The following ANKFN1 variants were observed in gnomAD, a reference collection of about 807,000 sequenced individuals.
The protein encoded by ANKFN1 is ankyrin repeat and fibronectin type III domain containing 1.
Under a neutral mutation model 108.7 loss-of-function variants are expected in ANKFN1, and 74 were observed. The ratio of observed to expected loss-of-function variants is 0.68; its 90% CI spans 0.56 to 0.83. The LOEUF is 0.83. Among genes scored for constraint, ANKFN1 ranks in the 40% least tolerant of loss-of-function variants. The probability of loss-of-function intolerance (pLI) is 0.00; values close to 1 mark genes in which losing one functional copy is unlikely to be tolerated. For missense variants in ANKFN1, 1,505 were observed against 1,382.3 expected, an observed-to-expected ratio of 1.09 and a Z score of -1.41; for synonymous variants, 547 against 516.2, an observed-to-expected ratio of 1.06 and a Z score of -0.81.
chr17:56,321,037 G>A (rs1421460992), intron 3 of ANKFN1, among the ~76,000 whole-genome samples: 1 of 148,876 alleles, frequency 6.7e-6, no homozygotes, highest in Non-Finnish European at 1.5e-5. Context: ...TAGCATGCCC[G>A]TGAGCAGTCT....
intron 20 of ANKFN1, among the ~76,000 whole-genome samples, chr17:56,506,433 T>C (rs1451729793): frequency 1.3e-5 from 2 of 152,010 alleles, no homozygotes; most frequent in East Asian, 1.9e-4. Context: ...GAAGCAGAGA[T>C]AGCAGTGGCA....
At chr17:56,493,235 C>G (rs1242876108) in intron 19 of ANKFN1, among the ~76,000 whole-genome samples, 1 of 151,466 alleles carries the variant, frequency 6.6e-6, no homozygotes, top group Non-Finnish European at 1.5e-5. Context: ...GTGCTAGGTG[C>G]CAAAAAAAAG....
At chr17:56,195,556 T>G (rs994916291) in intron 1 of ANKFN1, among the ~76,000 whole-genome samples, 3 of 152,180 alleles carry the variant, frequency 2.0e-5, no homozygotes, top group Non-Finnish European at 4.4e-5. Flanking sequence ...AAACAGCCAA[T>G]CTTTACTTAA....
intron 4 of ANKFN1, among the ~76,000 whole-genome samples, chr17:56,098,080 G>T (rs1428885470): frequency 6.6e-6 from 1 of 152,104 alleles, no homozygotes. Context: ...GAAGGAGATT[G>T]GAGGAGGCAA....
rs141854240 is a variant in ANKFN1 at position 56,255,748 on chromosome 17, A to G, written c.53+27791A>G. Among the ~76,000 whole-genome samples, 7 of 152,348 alleles carry G rather than the reference A, an allele frequency of 4.6e-5. No individual in the cohort carries two copies. The East Asian group carries it at 1.3e-3, about 29-fold the overall frequency. ...TACACACGCTTGTTAAATGTTAGAC[A>G]TTCAAGACCATCAAGTTTAAAACGT... On this transcript the variant is annotated intron_variant, in intron 3 of 20. Transcript: ENST00000682825.
At chr17:56,060,170 G>C (rs543588130) in intron 4 of ANKFN1, among the ~76,000 whole-genome samples, 21 of 152,196 alleles carry the variant, frequency 1.4e-4, no homozygotes, top group African/African-American at 5.1e-4. Flanking sequence ...GTATTCCTAG[G>C]TATTTTATTC....
At chr17:56,273,372 A>G (rs549598000) in intron 3 of ANKFN1, among the ~76,000 whole-genome samples, 9 of 152,198 alleles carry the variant, frequency 5.9e-5, no homozygotes, top group South Asian at 2.1e-4. Context: ...TTTTTTCCCA[A>G]TTTTTTACTA....
intron 3 of ANKFN1, among the ~76,000 whole-genome samples, chr17:56,283,193 C>T (rs1455983670): frequency 1.3e-5 from 2 of 152,164 alleles, no homozygotes; most frequent in African/African-American, 2.4e-5. Flanking sequence ...TAAGTGAGAA[C>T]ATGCAGTATT....
At chr17:56,392,620 C>T (rs992507355) in intron 8 of ANKFN1, among the ~76,000 whole-genome samples, 5 of 152,150 alleles carry the variant, frequency 3.3e-5, no homozygotes, top group African/African-American at 1.2e-4. Flanking sequence ...AAACACACTA[C>T]AGAAACTCCT....
chr17:56,419,052 G>A (rs2145041315), intron 8 of ANKFN1, among the ~76,000 whole-genome samples: 1 of 152,300 alleles, frequency 6.6e-6, no homozygotes, highest in East Asian at 1.9e-4. Flanking sequence ...GCCCTTAGAT[G>A]TCTGCATTTT....
intron 4 of ANKFN1, among the ~76,000 whole-genome samples, chr17:56,127,478 T>C (rs532341639): frequency 1.6e-4 from 25 of 152,254 alleles, no homozygotes; most frequent in Admixed American, 1.3e-3. Context: ...CACACCCAGC[T>C]AATTTTTGCG....
chr17:56,058,600 C>G (rs537525400), intron 4 of ANKFN1, among the ~76,000 whole-genome samples: 1 of 141,350 alleles, frequency 7.1e-6, no homozygotes, highest in Admixed American at 7.1e-5. Flanking sequence ...CCCTACCCCC[C>G]AAAAGGCCCT....
intron 8 of ANKFN1, among the ~76,000 whole-genome samples, chr17:56,394,267 T>C (rs2047517033): frequency 6.6e-6 from 1 of 152,176 alleles, no homozygotes; most frequent in Non-Finnish European, 1.5e-5. Context: ...TACACTATGG[T>C]GGCTCCTCCA....
chr17:56,487,455 C>T (rs149404631), intron 18 of ANKFN1, among the ~76,000 whole-genome samples: 2 of 151,838 alleles, frequency 1.3e-5, no homozygotes, highest in African/African-American at 4.8e-5. Flanking sequence ...GACAGCCGGC[C>T]TATGACAAGG....
At chr17:56,127,256 G>T (rs1233498992) in intron 4 of ANKFN1, among the ~76,000 whole-genome samples, 1 of 152,164 alleles carries the variant, frequency 6.6e-6, no homozygotes, top group East Asian at 1.9e-4. Flanking sequence ...ATGTAGGAGA[G>T]GCGGGATTTG....
At chr17:56,111,228 C>T (rs1319025933) in intron 4 of ANKFN1, among the ~76,000 whole-genome samples, 1 of 152,220 alleles carries the variant, frequency 6.6e-6, no homozygotes, top group Non-Finnish European at 1.5e-5. Context: ...GGGGCCCATT[C>T]ACACCCATGT....
At chr17:56,147,186 T>C (rs1908314542) in intron 4 of ANKFN1, among the ~76,000 whole-genome samples, 1 of 152,166 alleles carries the variant, frequency 6.6e-6, no homozygotes, top group Non-Finnish European at 1.5e-5. Flanking sequence ...GGTCAAGCCG[T>C]TCAACAAGTT....
chr17:56,087,050 T>C (rs1181443716), intron 4 of ANKFN1, among the ~76,000 whole-genome samples: 1 of 151,300 alleles, frequency 6.6e-6, no homozygotes, highest in African/African-American at 2.4e-5. Flanking sequence ...AACACTTATG[T>C]TGGTTGTTGC....
chr17:56,321,450 G>A (rs2045363049), intron 3 of ANKFN1, among the ~76,000 whole-genome samples: 1 of 144,880 alleles, frequency 6.9e-6, no homozygotes, highest in Admixed American at 7.0e-5. Flanking sequence ...TGATGAAAAG[G>A]CACTCCCTAA....
Sources: gnomAD v4.1 joint callset for allele counts (sites outside exome capture counted in the v4.1 genomes callset) on GRCh38, gnomAD v4.1.1 for gene constraint, MANE v1.5 for transcripts, NCBI Gene and HGNC (gene_info 2026-07-23, HGNC 2026-07-21) for gene names.